Variants in SCUBE1 observed in about 807,000 individuals in gnomAD.
The protein encoded by SCUBE1 is signal peptide, CUB domain and EGF like domain containing 1, also known as signal peptide, CUB and EGF-like domain-containing protein 1.
A neutral mutation model predicts 124.4 loss-of-function variants in SCUBE1; 59 were observed. The observed-to-expected ratio is 0.47, with a 90% CI of 0.38 to 0.59. SCUBE1 has a LOEUF of 0.59. Ranked by LOEUF, SCUBE1 falls within the 20% of genes least tolerant of loss-of-function variation. The pLI is 0.00. For missense variants in SCUBE1, 1,150 were observed against 1,371.2 expected (o/e 0.84, Z 2.55); for synonymous variants, 545 against 550.9 (o/e 0.99, Z 0.15).
At chr22:43,260,949 G>A (rs973001194) in intron 5 of SCUBE1, among the ~76,000 whole-genome samples, 2 of 152,212 alleles carry the variant, frequency 1.3e-5, no homozygotes, top group African/African-American at 4.8e-5. Context: ...ATGTACTATG[G>A]GGTCAGGGAG....
In SCUBE1 at chr22:43,198,115, T is replaced by C. The variant is rs551880797; in HGVS notation, c.*5882A>G. ...CATTTCCACATCTGAAGAATGGTCT[T>C]AACCCCACCATCTACATGGGGCTGG... On this transcript the variant is annotated 3_prime_UTR_variant, in exon 22 of 22. Coordinates refer to ENST00000360835, the MANE Select transcript of SCUBE1 (RefSeq NM_173050.5). 2.7e-5 allele frequency: 5 copies of C among 184,772 alleles called. No homozygotes were observed. The South Asian group carries it at 5.7e-4, about 21-fold the overall frequency. The allele number at this position is 184,772 out of a possible 1,614,324, so 11.4% of individuals were successfully genotyped here. A position where few individuals can be genotyped will look rare whatever the true frequency, so the allele number is the denominator to read the frequency against.
chr22:43,318,966 C>T (rs1926445819), intron 3 of SCUBE1, among the ~76,000 whole-genome samples: 1 of 152,170 alleles, frequency 6.6e-6, no homozygotes, highest in African/African-American at 2.4e-5. Flanking sequence ...AGGTGATCCA[C>T]CCGCCTTGGC....
At chr22:43,235,895 G>A (rs1922741717) in intron 7 of SCUBE1, among the ~76,000 whole-genome samples, 1 of 152,100 alleles carries the variant, frequency 6.6e-6, no homozygotes, top group African/African-American at 2.4e-5. Context: ...CTTGAGACGA[G>A]GGCTTAGGCG....
intron 15 of SCUBE1, among the ~76,000 whole-genome samples, chr22:43,215,960 C>T (rs1237514725): frequency 1.3e-5 from 2 of 152,048 alleles, no homozygotes; most frequent in Non-Finnish European, 2.9e-5. Flanking sequence ...CAAATGTGCA[C>T]AATTGGGGAA....
rs145534431 is a variant in SCUBE1 at position 43,316,686 on chromosome 22, T to C, written c.349+3251A>G. Among the ~76,000 whole-genome samples, 329 of 152,194 alleles carry C rather than the reference T, an allele frequency of 2.2e-3. 1 individual carries two copies. Among genetic ancestry groups the C allele is most frequent in the African/African-American group, 7.1e-3 (294 of 41,516 alleles). ...CTCTGCCCTTGGTCTAGCAAACTTA[T>C]CCCCAACCTTGGAGGTTCCACTCAA... On this transcript the variant is annotated intron_variant, in intron 3 of 21. Transcript: ENST00000360835.
intron 4 of SCUBE1, among the ~76,000 whole-genome samples, chr22:43,279,141 C>T (rs1272302306): frequency 1.3e-5 from 2 of 152,144 alleles, no homozygotes. Context: ...ATACAGGCTG[C>T]CCCAGACGCT....
intron 1 of SCUBE1, among the ~76,000 whole-genome samples, chr22:43,342,272 T>C (rs1397318528): frequency 6.7e-6 from 1 of 149,550 alleles, no homozygotes; most frequent in Admixed American, 6.6e-5. Context: ...GGTGGGGGGG[T>C]CCCCGTGAAA....
intron 3 of SCUBE1, among the ~76,000 whole-genome samples, chr22:43,317,339 C>T (rs6003153): frequency 0.014 from 2,162 of 152,290 alleles, 63 homozygotes; most frequent in African/African-American, 0.05. Flanking sequence ...AAGTGGATTA[C>T]GCAGTTATCC....
chr22:43,258,159 C>T lies in SCUBE1; in HGVS notation c.727+60G>A, dbSNP rs879194845. On this transcript the variant is annotated intron_variant, in intron 6 of 21. Transcript: ENST00000360835. The surrounding 1 kb of genome is among the most constrained non-coding windows in gnomAD (Gnocchi z 5.0). ...GCAGGGTGCTGGCCCTGCTGGTGCA[C>T]GCATGGGGGGTCGGGGGCGGGGGGC... The T allele has an allele frequency of 1.4e-4, 158 of 1,154,488 alleles. 4 individuals carry two copies. In the South Asian group the frequency reaches 1.6e-3, roughly 12 times the overall value. 71.5% of individuals were successfully genotyped at this position (1,154,488 alleles called of 1,614,324 possible). A position where few individuals can be genotyped will look rare whatever the true frequency, so the allele number is the denominator to read the frequency against.
At chr22:43,243,186 C>T (rs1923075576) in intron 6 of SCUBE1, among the ~76,000 whole-genome samples, 1 of 152,226 alleles carries the variant, frequency 6.6e-6, no homozygotes, top group African/African-American at 2.4e-5. Flanking sequence ...TGCAACACTC[C>T]AGGCTGATAA....
At chr22:43,302,179 C>G (rs931036957) in intron 3 of SCUBE1, among the ~76,000 whole-genome samples, 1 of 152,226 alleles carries the variant, frequency 6.6e-6, no homozygotes, top group Admixed American at 6.5e-5. Flanking sequence ...CGATGGGGAA[C>G]CAGGTACCCT....
chr22:43,321,125 C>G (rs1325556180), intron 2 of SCUBE1, among the ~76,000 whole-genome samples: 1 of 152,186 alleles, frequency 6.6e-6, no homozygotes, highest in Non-Finnish European at 1.5e-5. Flanking sequence ...AAGTGCAGCA[C>G]TAAGTGGAAC....
At chr22:43,217,495 TCCCCGTCCTTGCTCCG>T (rs921302062) in intron 15 of SCUBE1, among the ~76,000 whole-genome samples, 1 of 151,968 alleles carries the variant, frequency 6.6e-6, no homozygotes, top group African/African-American at 2.4e-5. Flanking sequence ...CTCATGCTCC[TCCCCGTCCTTGCTCCG>T]CCCCCGCTAC....
chr22:43,295,802 C>T (rs559316988), intron 3 of SCUBE1, among the ~76,000 whole-genome samples: 7 of 152,242 alleles, frequency 4.6e-5, no homozygotes, highest in Admixed American at 1.3e-4. Context: ...CTACTCTGTG[C>T]CACACTACCC....
intron 6 of SCUBE1, among the ~76,000 whole-genome samples, chr22:43,256,993 A>C (rs1601834399): frequency 1.3e-5 from 2 of 152,394 alleles, no homozygotes; most frequent in South Asian, 4.1e-4. Context: ...CAAGACAGGC[A>C]ATCAGGGACC....
intron 9 of SCUBE1, 66 bp from the exon 10 acceptor site, chr22:43,227,562 C>G: frequency 1.9e-6 from 3 of 1,580,868 alleles, no homozygotes; most frequent in Non-Finnish European, 2.6e-6. Context: ...GGGGAAGGGA[C>G]CACCCAGGGC....
chr22:43,301,394 G>A (rs936927239), intron 3 of SCUBE1, among the ~76,000 whole-genome samples: 10 of 151,978 alleles, frequency 6.6e-5, no homozygotes, highest in African/African-American at 1.9e-4. Context: ...ACGTCCCCCC[G>A]GGCTCCTCCT....
chr22:43,221,531 G>A (rs1027238360), intron 12 of SCUBE1, among the ~76,000 whole-genome samples: 2 of 152,068 alleles, frequency 1.3e-5, no homozygotes, highest in Non-Finnish European at 2.9e-5. Flanking sequence ...GGGGCCACCC[G>A]CCAGAGGTCT....
rs142158323 is a variant in SCUBE1 at position 43,307,377 on chromosome 22, G to A, written c.349+12560C>T. 9.8e-5 allele frequency among the ~76,000 whole-genome samples: 15 copies of A among 152,370 alleles called. No individual in the cohort carries two copies. In the East Asian group the frequency reaches 2.9e-3, roughly 29 times the overall value. On this transcript the variant is annotated intron_variant, in intron 3 of 21. Transcript: ENST00000360835. Reference sequence around the variant, plus strand: ...AGAACAGCAGGTGTATGGACACCCTGGAGGAGGAAAGGGCGGGATGGTTAT... The same window carrying A: ...AGAACAGCAGGTGTATGGACACCCTAGAGGAGGAAAGGGCGGGATGGTTAT...
Sources: gnomAD v4.1 joint callset for allele counts (sites outside exome capture counted in the v4.1 genomes callset) on GRCh38, gnomAD v4.1.1 for gene constraint, Gnocchi (gnomAD v3.1) non-coding constraint, MANE v1.5 for transcripts, NCBI Gene and HGNC (gene_info 2026-07-23, HGNC 2026-07-21) for gene names.